The following CCDC172 variants were observed in gnomAD, a reference collection of about 807,000 sequenced individuals.
CCDC172 encodes the protein coiled-coil domain-containing protein 172.
CCDC172 carries 30 observed loss-of-function variants against 38.0 expected under a neutral mutation model. The observed-to-expected ratio is 0.79, with a 90% CI of 0.59 to 1.07. The LOEUF is 1.07. Among genes scored for constraint, CCDC172 ranks in the 50% least tolerant of loss-of-function variants. The probability of loss-of-function intolerance (pLI) is 0.00; values close to 1 mark genes in which losing one functional copy is unlikely to be tolerated. For synonymous variants in CCDC172, 78 were observed against 88.3 expected (o/e 0.88, Z 0.66); for missense variants, 297 against 290.1 (o/e 1.02, Z -0.17).
chr10:116,334,404 CA>C (rs1386942668), intron 3 of CCDC172, among the ~76,000 whole-genome samples: 1 of 152,094 alleles, frequency 6.6e-6, no homozygotes, highest in African/African-American at 2.4e-5. Flanking sequence ...TGGCAAAAAG[CA>C]GAGTGAAAAT....
chr10:116,365,098 A>G (rs1441843285), intron 7 of CCDC172, among the ~76,000 whole-genome samples: 2 of 152,160 alleles, frequency 1.3e-5, no homozygotes, highest in Non-Finnish European at 2.9e-5. Context: ...CAATCAGTCT[A>G]TGCACTGAAG....
intron 7 of CCDC172, among the ~76,000 whole-genome samples, chr10:116,372,918 T>G (rs974599076): frequency 2.0e-5 from 3 of 152,076 alleles, no homozygotes; most frequent in African/African-American, 4.8e-5. Context: ...CAGCTCAGAA[T>G]TGTCAGTGAA....
At chr10:116,341,941 T>C in intron 4 of CCDC172, 95 bp from the exon 5 acceptor site, 1 of 863,218 alleles carries the variant, frequency 1.2e-6, no homozygotes, top group Non-Finnish European at 1.5e-6. Context: ...TATACTTTCA[T>C]TGTTAATAAT....
At chr10:116,377,018 C>CA (rs1389032869) in intron 7 of CCDC172, among the ~76,000 whole-genome samples, 1 of 151,714 alleles carries the variant, frequency 6.6e-6, no homozygotes, top group African/African-American at 2.4e-5. Context: ...ACCGAAAATA[C>CA]AAAAAAATTC....
At chr10:116,368,080 A>T (rs1361848074) in intron 7 of CCDC172, among the ~76,000 whole-genome samples, 1 of 152,048 alleles carries the variant, frequency 6.6e-6, no homozygotes, top group Non-Finnish European at 1.5e-5. Context: ...TCTTTTTCAG[A>T]GCATTATATC....
chr10:116,348,320 C>T (rs571614644), intron 5 of CCDC172, among the ~76,000 whole-genome samples: 9 of 152,122 alleles, frequency 5.9e-5, no homozygotes, highest in South Asian at 2.1e-4. Flanking sequence ...ACTTCTAATT[C>T]GTGCCACCAC....
At chr10:116,355,070 TA>T (rs1844978340) in intron 5 of CCDC172, among the ~76,000 whole-genome samples, 2 of 152,108 alleles carry the variant, frequency 1.3e-5, no homozygotes, top group South Asian at 4.1e-4. Context: ...GAAAGAAAAA[TA>T]TTTTTAAAGT....
Position 116,357,875 on chromosome 10 carries a change from A to G in CCDC172, c.590A>G (p.Lys197Arg), listed in dbSNP as rs1845018457. ...GAGAATGAATCCATTTGTACTACCAAATATCTAGAGGCAGAAAAAATAAAA... is the reference window on the plus strand; with the variant it reads ...GAGAATGAATCCATTTGTACTACCAGATATCTAGAGGCAGAAAAAATAAAA... ...DEENESICTT[K>R]YLEAEKIKIS... Residue 197 changes from lysine to arginine, a missense_variant, in exon 7 of 9, where the codon AAA becomes AGA. Coordinates refer to ENST00000333254, the MANE Select transcript of CCDC172 (RefSeq NM_198515.3). 4.5e-6 allele frequency: 7 copies of G among 1,567,128 alleles called. No homozygotes were observed. In the South Asian group the frequency reaches 8.2e-5, roughly 18 times the overall value.
intron 7 of CCDC172, among the ~76,000 whole-genome samples, chr10:116,367,353 T>C (rs1156991473): frequency 6.6e-6 from 1 of 152,174 alleles, no homozygotes; most frequent in Non-Finnish European, 1.5e-5. Context: ...TATCAAAACA[T>C]CACACTGTAT....
At chr10:116,339,517 T>C (rs1209018021) in intron 3 of CCDC172, among the ~76,000 whole-genome samples, 1 of 151,894 alleles carries the variant, frequency 6.6e-6, no homozygotes, top group African/African-American at 2.4e-5. Context: ...CACCCTATTA[T>C]TCCTTCCCCC....
Position 116,378,477 on chromosome 10 carries a change from A to G in CCDC172, c.708A>G (p.Glu236=). The G allele has an allele frequency of 1.2e-6, 2 of 1,604,978 alleles. No individual in the cohort carries two copies. Among genetic ancestry groups the G allele is most frequent in the Non-Finnish European group, 1.7e-6 (2 of 1,176,424 alleles). The change falls in exon 8 of 9, where the codon GAA becomes GAG. Residue 236 remains glutamate (E), a synonymous_variant. Transcript: ENST00000333254. ...YKEDDMESVY[E]ALQTEIEFLE... ...AAGATGACATGGAAAGTGTTTATGA[A>G]GCTCTCCAAACAGAAATAGAATTTT...
chr10:116,336,404 T>C (rs1373612911), intron 3 of CCDC172, among the ~76,000 whole-genome samples: 1 of 151,348 alleles, frequency 6.6e-6, no homozygotes, highest in Non-Finnish European at 1.5e-5. Context: ...GAAAATCATG[T>C]AAAGCCTTAT....
At chr10:116,362,612 G>A (rs1256713984) in intron 7 of CCDC172, among the ~76,000 whole-genome samples, 1 of 152,142 alleles carries the variant, frequency 6.6e-6, no homozygotes, top group Non-Finnish European at 1.5e-5. Context: ...TTCAACAACA[G>A]AGAAGCTCAA....
intron 7 of CCDC172, 112 bp downstream of exon 7, chr10:116,358,050 A>T (rs1845021150): frequency 1.6e-6 from 1 of 634,888 alleles, no homozygotes; most frequent in Non-Finnish European, 2.8e-6. Context: ...AGATGAGGAC[A>T]TTATTTTCTT....
chr10:116,336,193 T>C (rs902400513), intron 3 of CCDC172, among the ~76,000 whole-genome samples: 1 of 147,278 alleles, frequency 6.8e-6, no homozygotes, highest in African/African-American at 2.5e-5. Flanking sequence ...GTATATTTAA[T>C]ATGTATAAAT....
At chr10:116,359,672 T>G (rs1337499156) in intron 7 of CCDC172, among the ~76,000 whole-genome samples, 1 of 152,184 alleles carries the variant, frequency 6.6e-6, no homozygotes, top group Non-Finnish European at 1.5e-5. Context: ...GAGAACCAGC[T>G]TTATTTTAAG....
chr10:116,347,459 G>A (rs571500877), intron 5 of CCDC172, among the ~76,000 whole-genome samples: 6 of 152,154 alleles, frequency 3.9e-5, no homozygotes, highest in African/African-American at 1.4e-4. Flanking sequence ...AGAAGGAAGA[G>A]CAGAAATGGG....
intron 5 of CCDC172, among the ~76,000 whole-genome samples, chr10:116,347,372 G>T (rs945651084): frequency 1.3e-5 from 2 of 152,130 alleles, no homozygotes; most frequent in Non-Finnish European, 2.9e-5. Flanking sequence ...AGCAATCAGA[G>T]GTCATTGGTG....
intron 5 of CCDC172, among the ~76,000 whole-genome samples, chr10:116,352,115 C>A (rs911253024): frequency 6.6e-6 from 1 of 152,078 alleles, no homozygotes; most frequent in Non-Finnish European, 1.5e-5. Context: ...CATCTTGTCA[C>A]AATAGAAATA....
Sources: allele counts gnomAD v4.1 joint callset (sites outside exome capture counted in the v4.1 genomes callset), GRCh38; gene constraint gnomAD v4.1.1; transcripts MANE v1.5; gene names NCBI Gene and HGNC (gene_info 2026-07-23, HGNC 2026-07-21).